ARHGAP24: variants seen among roughly 807,000 people sequenced by gnomAD.
ARHGAP24 encodes the protein Rho GTPase activating protein 24, also known as rho GTPase-activating protein 24.
ARHGAP24 carries 50 observed loss-of-function variants against 76.4 expected under a neutral mutation model. That is an observed-to-expected ratio of 0.65 (90% CI 0.52 to 0.83). The LOEUF is 0.83. Ranked by LOEUF, ARHGAP24 falls within the 40% of genes least tolerant of loss-of-function variation. The probability of loss-of-function intolerance (pLI) is 0.00; values close to 1 mark genes in which losing one functional copy is unlikely to be tolerated. For synonymous variants in ARHGAP24, 345 were observed against 323.3 expected (o/e 1.07, Z -0.72); for missense variants, 930 against 914.2 (o/e 1.02, Z -0.22).
chr4:85,609,236 G>T (rs1207731830), intron 2 of ARHGAP24, among the ~76,000 whole-genome samples: 3 of 152,140 alleles, frequency 2.0e-5, no homozygotes, highest in South Asian at 4.1e-4. Context: ...AATATATGGG[G>T]TATTGCCATC....
chr4:85,627,541 G>A (rs2110009784), intron 2 of ARHGAP24, among the ~76,000 whole-genome samples: 1 of 152,340 alleles, frequency 6.6e-6, no homozygotes, highest in East Asian at 1.9e-4. Flanking sequence ...TGAGGAGGCA[G>A]TCTGCCTGTT....
intron 2 of ARHGAP24, among the ~76,000 whole-genome samples, chr4:85,649,487 C>A (rs192969999): frequency 6.6e-5 from 10 of 152,162 alleles, no homozygotes; most frequent in Non-Finnish European, 2.9e-5. Flanking sequence ...ACCACAGCCC[C>A]CTTCATTAAC....
intron 1 of ARHGAP24, among the ~76,000 whole-genome samples, chr4:85,522,443 G>A (rs976350263): frequency 6.6e-6 from 1 of 152,164 alleles, no homozygotes. Flanking sequence ...AATGACTGGT[G>A]TTGGTAGTAG....
intron 2 of ARHGAP24, among the ~76,000 whole-genome samples, chr4:85,608,073 A>C (rs1371440547): frequency 6.6e-6 from 1 of 152,192 alleles, no homozygotes; most frequent in Non-Finnish European, 1.5e-5. Flanking sequence ...CTTCTATTTA[A>C]GAGCCTTCTT....
chr4:85,827,291 T>G (rs1232040102), intron 3 of ARHGAP24, among the ~76,000 whole-genome samples: 1 of 152,170 alleles, frequency 6.6e-6, no homozygotes, highest in Non-Finnish European at 1.5e-5. Flanking sequence ...TTATATGAGT[T>G]TATGGGCCAG....
intron 3 of ARHGAP24, among the ~76,000 whole-genome samples, chr4:85,819,272 G>C (rs1011454416): frequency 6.6e-6 from 1 of 152,218 alleles, no homozygotes; most frequent in African/African-American, 2.4e-5. Flanking sequence ...ATTTAGTGCA[G>C]ACTGTCATAT....
At chr4:85,956,262 A>G (rs990600598) in intron 5 of ARHGAP24, among the ~76,000 whole-genome samples, 4 of 152,246 alleles carry the variant, frequency 2.6e-5, no homozygotes, top group African/African-American at 9.6e-5. Flanking sequence ...GCTAGCCCCT[A>G]AAATCCTGAA....
At chr4:85,585,401 C>T (rs1035014652) in intron 2 of ARHGAP24, among the ~76,000 whole-genome samples, 1 of 152,136 alleles carries the variant, frequency 6.6e-6, no homozygotes, top group Non-Finnish European at 1.5e-5. Context: ...GGCTATCAAG[C>T]CTGCCTCTGG....
intron 3 of ARHGAP24, among the ~76,000 whole-genome samples, chr4:85,837,682 A>T (rs1313151473): frequency 6.6e-6 from 1 of 152,138 alleles, no homozygotes; most frequent in Non-Finnish European, 1.5e-5. Context: ...TATTCACAGA[A>T]GTAAAATATG....
chr4:85,692,213 G>A (rs1723691232), intron 2 of ARHGAP24, among the ~76,000 whole-genome samples: 1 of 152,124 alleles, frequency 6.6e-6, no homozygotes, highest in Admixed American at 6.5e-5. Flanking sequence ...GCCTGACAGG[G>A]TTCCCTCTAT....
At chr4:85,909,216 G>A (rs1261825543) in intron 3 of ARHGAP24, among the ~76,000 whole-genome samples, 2 of 152,074 alleles carry the variant, frequency 1.3e-5, no homozygotes, top group African/African-American at 4.8e-5. Flanking sequence ...CTACCATAGA[G>A]AAACACAGTG....
rs550109028 is a variant in ARHGAP24 at position 85,810,313 on chromosome 4, TAAGGATAGTGCTCTGC to T, written c.268+88346_268+88361del. On this transcript the variant is annotated intron_variant, in intron 3 of 9. Transcript: ENST00000395184. The stretch of plus-strand genomic sequence containing the variant: ...GAAATAACAGGAATAATATCCTGAG[TAAGGATAGTGCTCTGC>T]AAGGCCATGTCCTAATAGGATGCTA... Among the ~76,000 whole-genome samples, 76 of 152,284 alleles carry T rather than the reference TAAGGATAGTGCTCTGC, an allele frequency of 5.0e-4. 3 individuals carry two copies. In the South Asian group the frequency reaches 0.015, roughly 31 times the overall value.
At chr4:85,880,357 TAA>T (rs1456087091) in intron 3 of ARHGAP24, among the ~76,000 whole-genome samples, 2 of 152,210 alleles carry the variant, frequency 1.3e-5, no homozygotes, top group African/African-American at 2.4e-5. Flanking sequence ...TGAGTCTGTG[TAA>T]CCATCCCTTA....
At chr4:85,906,199 A>G (rs1041655901) in intron 3 of ARHGAP24, among the ~76,000 whole-genome samples, 9 of 152,218 alleles carry the variant, frequency 5.9e-5, no homozygotes, top group Non-Finnish European at 1.3e-4. Flanking sequence ...AGTACACATT[A>G]TAGATTTTTC....
At chr4:85,867,273 C>T (rs1195565780) in intron 3 of ARHGAP24, among the ~76,000 whole-genome samples, 1 of 152,064 alleles carries the variant, frequency 6.6e-6, no homozygotes, top group Non-Finnish European at 1.5e-5. Flanking sequence ...CTATTTTCTT[C>T]TAAATGTCAT....
At chr4:85,898,427 A>T (rs1734317688) in intron 3 of ARHGAP24, among the ~76,000 whole-genome samples, 1 of 152,174 alleles carries the variant, frequency 6.6e-6, no homozygotes, top group South Asian at 2.1e-4. Flanking sequence ...ATTTATATCC[A>T]TACTCTTCAT....
intron 2 of ARHGAP24, among the ~76,000 whole-genome samples, chr4:85,614,468 C>T (rs1017247288): frequency 3.3e-5 from 5 of 152,034 alleles, no homozygotes; most frequent in African/African-American, 1.2e-4. Context: ...ACATGTACCT[C>T]CCATACAGAA....
chr4:85,516,403 C>T (rs1012439068), intron 1 of ARHGAP24, among the ~76,000 whole-genome samples: 19 of 151,942 alleles, frequency 1.3e-4, no homozygotes, highest in African/African-American at 4.6e-4. Flanking sequence ...AGAAATTTAA[C>T]TCTTGTTTAT....
rs1398967443 is a variant in ARHGAP24, at chr4:85,590,295, T to TCCTTC, written c.180+19586_180+19590dup. ...TCCCACCCTTCCTTCCTTCCTTCTT[T>TCCTTC]CCTTCCCTTCCCTTCCTTTCCTTTT... is the stretch of plus-strand genomic sequence containing the variant. On this transcript the variant is annotated intron_variant, in intron 2 of 9. Coordinates refer to ENST00000395184, the MANE Select transcript of ARHGAP24 (RefSeq NM_001025616.3). 2.0e-5 allele frequency among the ~76,000 whole-genome samples: 3 copies of TCCTTC among 148,046 alleles called. No homozygotes were observed. In the East Asian group the frequency reaches 6.6e-4, roughly 33 times the overall value.
Sources: gnomAD v4.1 joint callset for allele counts (sites outside exome capture counted in the v4.1 genomes callset) on GRCh38, gnomAD v4.1.1 for gene constraint, MANE v1.5 for transcripts, NCBI Gene and HGNC (gene_info 2026-07-23, HGNC 2026-07-21) for gene names.